ZNF407: variants seen among roughly 807,000 people sequenced by gnomAD.
ZNF407 encodes the protein zinc finger protein 407.
Under a neutral mutation model 131.2 loss-of-function variants are expected in ZNF407, and 17 were observed. The observed-to-expected ratio is 0.13, with a 90% confidence interval of 0.09 to 0.19. The LOEUF (loss-of-function observed/expected upper bound fraction) is 0.19. ZNF407 is among the 10% of genes least tolerant of loss of function. The pLI is 1.00. For synonymous variants in ZNF407, 1,156 were observed against 1,062.0 expected, an observed-to-expected ratio of 1.09 and a Z score of -1.72; for missense variants, 2,681 against 2,830.6, an observed-to-expected ratio of 0.95 and a Z score of 1.20.
chr18:74,898,560 T>C (rs1407645827), intron 7 of ZNF407: 1 of 152,248 alleles, frequency 6.6e-6, no homozygotes, highest in Non-Finnish European at 1.5e-5. Context: ...TTTAACCTAA[T>C]ATTAATCTTT....
At chr18:74,717,319 T>C (rs1183853082) in intron 3 of ZNF407, among the ~76,000 whole-genome samples, 1 of 152,246 alleles carries the variant, frequency 6.6e-6, no homozygotes, top group Non-Finnish European at 1.5e-5. Context: ...GTCAAGATTG[T>C]ACTCCTGAGT....
At chr18:75,021,305 GT>G (rs1265015688) in intron 8 of ZNF407, among the ~76,000 whole-genome samples, 5 of 151,836 alleles carry the variant, frequency 3.3e-5, no homozygotes, top group Non-Finnish European at 7.4e-5. Flanking sequence ...GTCCTGCTCT[GT>G]CACCCAGGCT....
intron 7 of ZNF407, among the ~76,000 whole-genome samples, chr18:74,912,593 C>T (rs536054290): frequency 6.6e-6 from 1 of 152,072 alleles, no homozygotes; most frequent in Non-Finnish European, 1.5e-5. Context: ...AGTCTGGATC[C>T]ACATTTAACT....
chr18:74,907,377 C>T (rs985178378), intron 7 of ZNF407, among the ~76,000 whole-genome samples: 2 of 152,130 alleles, frequency 1.3e-5, no homozygotes, highest in Admixed American at 6.5e-5. Flanking sequence ...CTGGCTCTTA[C>T]GCTGTGGGAC....
chr18:74,666,538 CCTCCTTTGGATGGAA>C (rs1266747769), intron 3 of ZNF407, among the ~76,000 whole-genome samples: 63 of 152,330 alleles, frequency 4.1e-4, no homozygotes, highest in African/African-American at 1.2e-3. Context: ...CCTTGGTTTA[CCTCCTTTGGATGGAA>C]CTATCCTTCA....
At position 74,839,075 on chromosome 18, in the gene ZNF407, G is replaced by A. The variant is rs576021639; in HGVS notation, c.4878-38122G>A. Among the ~76,000 whole-genome samples, 15 of 151,438 alleles carry A rather than the reference G, an allele frequency of 9.9e-5. No individual in the cohort carries two copies. In the South Asian group the frequency reaches 2.9e-3, roughly 30 times the overall value. On this transcript the variant is annotated intron_variant, in intron 4 of 8. Coordinates refer to ENST00000299687, the MANE Select transcript of ZNF407 (RefSeq NM_017757.3). Reference sequence around the variant, plus strand: ...AATGCTTGAAGAAACACCCTAAAACGGACAATTTCTTGTTTATCTATTGTA... The same window carrying A: ...AATGCTTGAAGAAACACCCTAAAACAGACAATTTCTTGTTTATCTATTGTA...
At chr18:74,994,425 G>GA (rs542250332) in intron 8 of ZNF407, among the ~76,000 whole-genome samples, 17 of 152,320 alleles carry the variant, frequency 1.1e-4, no homozygotes, top group Non-Finnish European at 1.6e-4. Flanking sequence ...GCTGTTTGCT[G>GA]AAAAGCATGC....
chr18:74,632,271 C>G lies in ZNF407; in HGVS notation c.1252C>G (p.Arg418Gly). 2 of 1,613,872 alleles carry G rather than the reference C, an allele frequency of 1.2e-6. No individual in the cohort carries two copies. Among genetic ancestry groups the G allele is most frequent in the Non-Finnish European group, 1.7e-6 (2 of 1,179,884 alleles). The change falls in exon 2 of 9, where the codon CGA (arginine) becomes GGA (glycine). Residue 418 changes from arginine (R) to glycine (G), a missense_variant. Physicochemically the swap from Arg to Gly is moderately radical, Grantham distance 125 (BLOSUM62 -2). Around this residue, in one of 6 missense-constraint regions of ZNF407, gnomAD observed 1,789 missense variants for 1,748.7 expected, o/e 1.02. Coordinates refer to ENST00000299687, the MANE Select transcript of ZNF407 (RefSeq NM_017757.3). ...TGTAACCTCGAGGCCAAGACCTGAG[C>G]GAAATATTCTCGTGTTGGGTAATAG... ...NSVTSRPRPERNILVLGNSFR... is the reference protein window; with the variant it reads ...NSVTSRPRPEGNILVLGNSFR...
At chr18:74,657,152 G>A (rs9966329) in intron 3 of ZNF407, among the ~76,000 whole-genome samples, 12,473 of 146,704 alleles carry the variant, frequency 0.085, 701 homozygotes, top group African/African-American at 0.16. Flanking sequence ...TTTTTCCATA[G>A]TTGTTTGTAT....
intron 8 of ZNF407, among the ~76,000 whole-genome samples, chr18:74,960,977 G>C (rs1393743442): frequency 7.1e-6 from 1 of 141,706 alleles, no homozygotes; most frequent in African/African-American, 2.8e-5. Context: ...AGTCCTGAGT[G>C]AGGACTGGGT....
intron 8 of ZNF407, among the ~76,000 whole-genome samples, chr18:74,945,902 T>C (rs938198838): frequency 6.6e-6 from 1 of 152,040 alleles, no homozygotes; most frequent in Non-Finnish European, 1.5e-5. Context: ...CTCAAAGCTG[T>C]CTCCCCGACA....
intron 1 of ZNF407, among the ~76,000 whole-genome samples, chr18:74,628,032 A>C (rs1983880363): frequency 6.6e-6 from 1 of 152,072 alleles, no homozygotes; most frequent in Admixed American, 6.6e-5. Flanking sequence ...ACACCACCAC[A>C]GCTGGCTAAC....
At chr18:74,642,735 G>T (rs564216696) in intron 3 of ZNF407, among the ~76,000 whole-genome samples, 12 of 152,146 alleles carry the variant, frequency 7.9e-5, no homozygotes, top group Middle Eastern at 3.4e-3. Flanking sequence ...TTTGATCCTG[G>T]AGATACAGAA....
intron 4 of ZNF407, among the ~76,000 whole-genome samples, chr18:74,796,705 G>C (rs1031505893): frequency 1.3e-5 from 2 of 152,080 alleles, no homozygotes; most frequent in East Asian, 3.8e-4. Context: ...AGTTTATCTA[G>C]TAGGTGACAG....
At chr18:74,724,065 A>G (rs1455099014) in intron 3 of ZNF407, among the ~76,000 whole-genome samples, 1 of 152,172 alleles carries the variant, frequency 6.6e-6, no homozygotes, top group Non-Finnish European at 1.5e-5. Flanking sequence ...ATTGTGAGAA[A>G]CTGGGAGAAG....
intron 7 of ZNF407, among the ~76,000 whole-genome samples, chr18:74,901,970 ACAAT>A (rs1438705532): frequency 1.3e-5 from 2 of 151,800 alleles, no homozygotes; most frequent in African/African-American, 4.9e-5. Context: ...CTGTAAAAGC[ACAAT>A]CAAAGCGACA....
At chr18:74,717,456 T>C (rs765875663) in intron 3 of ZNF407, among the ~76,000 whole-genome samples, 1 of 152,234 alleles carries the variant, frequency 6.6e-6, no homozygotes, top group African/African-American at 2.4e-5. Context: ...ATTTCTCACA[T>C]GATAACTGTT....
chr18:74,915,080 G>A (rs909376502), intron 7 of ZNF407, among the ~76,000 whole-genome samples: 3 of 152,078 alleles, frequency 2.0e-5, no homozygotes, highest in African/African-American at 7.2e-5. Context: ...CTTTCATAGG[G>A]AAACACCAAG....
In ZNF407 at chr18:74,630,993, G is replaced by C; in HGVS notation, c.-27G>C. The C allele has an allele frequency of 6.3e-7, 1 of 1,578,702 alleles. No homozygotes were observed. The highest frequency in any genetic ancestry group is 2.2e-5 in the East Asian group (1 of 44,646). ...TTATGAGTGCCAGTGAGCCGCCTTA[G>C]ATAGAAGCATCGTCAGCACTTTATT... On this transcript the variant is annotated 5_prime_UTR_variant, in exon 2 of 9. It removes the in-frame stop codon of an upstream open reading frame in the 5' UTR. Transcript: ENST00000299687.
Sources: allele counts gnomAD v4.1 joint callset (sites outside exome capture counted in the v4.1 genomes callset), GRCh38; gene constraint gnomAD v4.1.1; regional missense constraint gnomAD v4.1.1; transcripts MANE v1.5; gene names NCBI Gene and HGNC (gene_info 2026-07-23, HGNC 2026-07-21).